The following CSMD1 variants were observed in gnomAD, a reference collection of about 807,000 sequenced individuals.
CSMD1 encodes CUB and Sushi multiple domains 1, also known as CUB and sushi domain-containing protein 1.
A neutral mutation model predicts 417.5 loss-of-function variants in CSMD1; 213 were observed. That is an observed-to-expected ratio of 0.51 (90% CI 0.46 to 0.57). The LOEUF (loss-of-function observed/expected upper bound fraction) is 0.57. CSMD1 is among the 20% of genes least tolerant of loss of function. The probability of loss-of-function intolerance (pLI) is 0.00; values close to 1 mark genes in which losing one functional copy is unlikely to be tolerated. For synonymous variants in CSMD1, 2,862 were observed against 1,736.8 expected (o/e 1.65, Z -16.11); for missense variants, 6,923 against 4,529.7 (o/e 1.53, Z -15.17).
intron 10 of CSMD1, among the ~76,000 whole-genome samples, chr8:3,499,869 G>T (rs986012697): frequency 6.6e-6 from 1 of 152,100 alleles, no homozygotes. Context: ...TCCTGAAAAT[G>T]GCACCATGCT....
chr8:4,471,901 G>T (rs532554924), intron 2 of CSMD1, among the ~76,000 whole-genome samples: 1 of 152,110 alleles, frequency 6.6e-6, no homozygotes, highest in Non-Finnish European at 1.5e-5. Context: ...GGCTACAAAG[G>T]TGTTTCCAAT....
At chr8:4,131,413 C>T (rs1357192424) in intron 3 of CSMD1, among the ~76,000 whole-genome samples, 2 of 152,202 alleles carry the variant, frequency 1.3e-5, no homozygotes, top group East Asian at 1.9e-4. Context: ...GCTATTTGTA[C>T]CACCTCTCTC....
intron 1 of CSMD1, among the ~76,000 whole-genome samples, chr8:4,813,418 C>T (rs539969081): frequency 6.6e-6 from 1 of 152,148 alleles, no homozygotes; most frequent in Non-Finnish European, 1.5e-5. Context: ...TGGAACTCAG[C>T]CTACCAGTCT....
At chr8:3,440,479 G>C (rs1814901801) in intron 12 of CSMD1, among the ~76,000 whole-genome samples, 1 of 152,150 alleles carries the variant, frequency 6.6e-6, no homozygotes, top group African/African-American at 2.4e-5. Flanking sequence ...AGTAGATTTT[G>C]TTGTTGTTGT....
chr8:3,986,671 C>A (rs1814341357), intron 5 of CSMD1, among the ~76,000 whole-genome samples: 2 of 152,118 alleles, frequency 1.3e-5, no homozygotes, highest in South Asian at 2.1e-4. Context: ...ATATGAGGGA[C>A]AGAGTGAACA....
intron 25 of CSMD1, among the ~76,000 whole-genome samples, chr8:3,298,764 A>C (rs907044459): frequency 6.6e-6 from 1 of 152,126 alleles, no homozygotes; most frequent in Non-Finnish European, 1.5e-5. Flanking sequence ...ATTATCTTTT[A>C]CATAAAATTC....
chr8:4,914,802 G>A (rs903860345), intron 1 of CSMD1, among the ~76,000 whole-genome samples: 3 of 152,130 alleles, frequency 2.0e-5, no homozygotes, highest in African/African-American at 7.2e-5. Flanking sequence ...CACAATGTAA[G>A]ACAAAGCTGT....
intron 3 of CSMD1, among the ~76,000 whole-genome samples, chr8:4,171,963 A>C (rs1797787566): frequency 6.6e-6 from 1 of 152,176 alleles, no homozygotes; most frequent in Admixed American, 6.6e-5. Flanking sequence ...TGCATAATGT[A>C]ATAATCAGCA....
At chr8:4,558,737 T>C (rs1357529248) in intron 2 of CSMD1, among the ~76,000 whole-genome samples, 1 of 152,004 alleles carries the variant, frequency 6.6e-6, no homozygotes, top group Non-Finnish European at 1.5e-5. Flanking sequence ...AGCATGGTGG[T>C]GGCGCCTGTA....
chr8:2,970,709 A>G (rs1804387036), intron 57 of CSMD1, among the ~76,000 whole-genome samples: 6 of 152,220 alleles, frequency 3.9e-5, no homozygotes, highest in Admixed American at 3.9e-4. Context: ...AATCAGGTCT[A>G]GAGCCAAAAT....
intron 23 of CSMD1, among the ~76,000 whole-genome samples, chr8:3,328,846 G>A (rs1806706588): frequency 6.6e-6 from 1 of 152,118 alleles, no homozygotes; most frequent in African/African-American, 2.4e-5. Flanking sequence ...TAAATAAAAG[G>A]CACTAAACTC....
intron 54 of CSMD1, among the ~76,000 whole-genome samples, chr8:2,987,804 C>G (rs1329283673): frequency 6.6e-6 from 1 of 152,206 alleles, no homozygotes; most frequent in Non-Finnish European, 1.5e-5. Flanking sequence ...GGTCCCTGGG[C>G]TCACACCAAC....
At chr8:3,407,488 G>T (rs181474548) in intron 14 of CSMD1, among the ~76,000 whole-genome samples, 1 of 152,052 alleles carries the variant, frequency 6.6e-6, no homozygotes, top group Non-Finnish European at 1.5e-5. Context: ...TGCATGGATG[G>T]ATGAAATGAT....
At chr8:4,368,871 C>T (rs1802243055) in intron 3 of CSMD1, among the ~76,000 whole-genome samples, 1 of 152,142 alleles carries the variant, frequency 6.6e-6, no homozygotes, top group East Asian at 1.9e-4. Flanking sequence ...ATCTCACAGT[C>T]TATCAATCTT....
rs184701443 is a variant in CSMD1, at chr8:3,892,773, G to A, written c.818+105130C>T. On this transcript the variant is annotated intron_variant, in intron 5 of 69. Coordinates refer to ENST00000635120, the MANE Select transcript of CSMD1 (RefSeq NM_033225.6). ...CATTATGAAGTTATTGCTAGCCATC[G>A]TAGGACAATTTGGACAGTCTTCTAC... 3.0e-4 allele frequency among the ~76,000 whole-genome samples: 40 copies of A among 133,822 alleles called. 1 individual carries two copies. Among genetic ancestry groups the A allele is most frequent in the African/African-American group, 1.0e-3 (37 of 35,378 alleles). 87.8% of individuals were successfully genotyped at this position (133,822 alleles called of 152,430 possible). A position where few individuals can be genotyped will look rare whatever the true frequency, so the allele number is the denominator to read the frequency against.
chr8:3,447,066 G>A (rs529536106), intron 12 of CSMD1, among the ~76,000 whole-genome samples: 12 of 152,232 alleles, frequency 7.9e-5, no homozygotes, highest in Admixed American at 3.3e-4. Flanking sequence ...AAAACACAGC[G>A]TAACATCAGT....
intron 17 of CSMD1, among the ~76,000 whole-genome samples, chr8:3,392,297 GA>G (rs988726037): frequency 6.6e-6 from 1 of 151,718 alleles, no homozygotes; most frequent in Non-Finnish European, 1.5e-5. Flanking sequence ...ATTTTCACTT[GA>G]AAAAAAATAA....
At chr8:3,648,810 C>G (rs1797704889) in intron 7 of CSMD1, among the ~76,000 whole-genome samples, 1 of 137,354 alleles carries the variant, frequency 7.3e-6, no homozygotes, top group Non-Finnish European at 1.7e-5. Context: ...GCACCCCTCT[C>G]AGAACATGAC....
rs571984359 is a variant in CSMD1 at position 4,795,252 on chromosome 8, C to CTTTTTTTTTTTTTTTTTT, written c.86-157712_86-157695dup. Among the ~76,000 whole-genome samples the CTTTTTTTTTTTTTTTTTT allele has an allele frequency of 1.8e-3, 81 of 46,252 alleles. 22 individuals carry two copies. The highest frequency in any genetic ancestry group is 2.0e-3 in the Non-Finnish European group (49 of 23,986). 30.3% of individuals were successfully genotyped at this position (46,252 alleles called of 152,430 possible). A position where few individuals can be genotyped will look rare whatever the true frequency, so the allele number is the denominator to read the frequency against. Reference sequence around the variant, plus strand: ...ATTTCTAGGTCTGCTGGTGTCATAGCTTTTTTTTTTTTTTTTTTTTTTTTT... The same window carrying CTTTTTTTTTTTTTTTTTT: ...ATTTCTAGGTCTGCTGGTGTCATAGCTTTTTTTTTTTTTTTTTTTTTTTTTTTTTTTTTTTTTTTTTTT... On this transcript the variant is annotated intron_variant, in intron 1 of 69. Transcript: ENST00000635120.
Sources: gnomAD v4.1 joint callset for allele counts (sites outside exome capture counted in the v4.1 genomes callset) on GRCh38, gnomAD v4.1.1 for gene constraint, MANE v1.5 for transcripts, NCBI Gene and HGNC (gene_info 2026-07-23, HGNC 2026-07-21) for gene names.